Variants in MYBL1 observed in about 807,000 individuals in gnomAD.
The protein encoded by MYBL1 is MYB proto-oncogene like 1.
In MYBL1, 17 loss-of-function variants were observed where a neutral mutation model predicts 96.3. The ratio of observed to expected loss-of-function variants is 0.18; its 90% CI spans 0.12 to 0.26. The LOEUF is 0.26. MYBL1 is among the 10% of genes least tolerant of loss of function. MYBL1 has a pLI of 1.00. For missense variants in MYBL1, 701 were observed against 882.9 expected, an observed-to-expected ratio of 0.79 and a Z score of 2.61; for synonymous variants, 282 against 292.7, an observed-to-expected ratio of 0.96 and a Z score of 0.37.
Position 66,563,544 on chromosome 8 carries a change from TG to T in MYBL1, c.*1152del, listed in dbSNP as rs1297874523. 1 of 152,506 alleles carries T rather than the reference TG, an allele frequency of 6.6e-6. No homozygotes were observed. Among genetic ancestry groups the T allele is most frequent in the African/African-American group, 2.4e-5 (1 of 41,426 alleles). The allele number at this position is 152,506 out of a possible 1,614,324, so 9.4% of individuals were successfully genotyped here. A position where few individuals can be genotyped will look rare whatever the true frequency, so the allele number is the denominator to read the frequency against. ...AAATATTTTTATAAATAAAAGATAA[TG>T]TTCTCCACTTCTGAAACACTGAGTA... On this transcript the variant is annotated 3_prime_UTR_variant, in exon 16 of 16. Transcript: ENST00000522677.
At chr8:66,583,279 T>C (rs1404435412) in intron 8 of MYBL1, among the ~76,000 whole-genome samples, 1 of 151,946 alleles carries the variant, frequency 6.6e-6, no homozygotes, top group Non-Finnish European at 1.5e-5. Context: ...ACCAAAACAT[T>C]TCTGGAAACA....
Position 66,576,055 on chromosome 8 carries a change from C to G in MYBL1, c.1422G>C (p.Met474Ile). 6.2e-7 allele frequency: 1 copy of G among 1,613,900 alleles called. No homozygotes were observed. Among genetic ancestry groups the G allele is most frequent in the Non-Finnish European group, 8.5e-7 (1 of 1,179,856 alleles). ...TTTTCAGTGGTGTATGTTTTAGCGC[C>G]ATATTACCACCATCGTTCAATGAGC... is the stretch of plus-strand genomic sequence containing the variant. ...RDGSLNDGGN[M>I]ALKHTPLKTL... The change falls in exon 10 of 16, where the codon ATG (methionine) becomes ATC (isoleucine). Residue 474 changes from methionine (M) to isoleucine (I), a missense_variant. Around this residue, in one of 5 missense-constraint regions of MYBL1, gnomAD observed 396 missense variants for 407.4 expected, o/e 0.97. Coordinates refer to ENST00000522677, the MANE Select transcript of MYBL1 (RefSeq NM_001080416.4).
intron 14 of MYBL1, 77 bp from the exon 15 acceptor site, chr8:66,566,320 A>G: frequency 1.2e-6 from 1 of 810,492 alleles, no homozygotes; most frequent in Non-Finnish European, 1.8e-6. Context: ...AGTAAGTGGT[A>G]ATGGAAGCCC....
intron 1 of MYBL1, among the ~76,000 whole-genome samples, chr8:66,608,835 A>C (rs1454307125): frequency 6.6e-6 from 1 of 152,160 alleles, no homozygotes; most frequent in African/African-American, 2.4e-5. Context: ...AGACAGCAAA[A>C]TAAAGTGACA....
chr8:66,573,455 A>C lies in MYBL1; in HGVS notation c.1522T>G (p.Phe508Val), dbSNP rs185627205. 6 of 1,612,030 alleles carry C rather than the reference A, an allele frequency of 3.7e-6. No individual in the cohort carries two copies. Among genetic ancestry groups the C allele is most frequent in the Non-Finnish European group, 5.1e-6 (6 of 1,179,064 alleles). The change falls in exon 11 of 16, where the codon TTT becomes GTT. Residue 508 changes from phenylalanine (F) to valine (V), a missense_variant. Phe to Val is a conservative substitution (Grantham distance 50). Transcript: ENST00000522677. ...TGCCCACAAATAGGGGTTGATGTAA[A>C]TGAAGGATTTTCTATATTAAGTTGT... ...NEQLNIENPS[F>V]TSTPICGQKA...
In MYBL1 at chr8:66,580,342, A is replaced by G; in HGVS notation, c.892T>C (p.Ser298Pro). The G allele has an allele frequency of 6.2e-7, 1 of 1,605,818 alleles. No homozygotes were observed. The highest frequency in any genetic ancestry group is 8.5e-7 in the Non-Finnish European group (1 of 1,173,400). ...TTATCATCCATGAGGAAACTACCAG[A>G]CCAGCTAGAAAAACTTCCAGGCTGC... ...PSQPGSFSSWSGSFLMDDNMS... is the reference protein window; with the variant it reads ...PSQPGSFSSWPGSFLMDDNMS... Residue 298 changes from serine (S) to proline (P), a missense_variant, in exon 9 of 16, where the codon TCT (serine) becomes CCT (proline). Around this residue, in one of 5 missense-constraint regions of MYBL1, gnomAD observed 396 missense variants for 407.4 expected, o/e 0.97. Transcript: ENST00000522677.
chr8:66,568,524 T>G (rs1339462025), intron 12 of MYBL1, among the ~76,000 whole-genome samples: 1 of 151,666 alleles, frequency 6.6e-6, no homozygotes, highest in Non-Finnish European at 1.5e-5. Context: ...GGTCTCAAAC[T>G]CCTGACCTCA....
At chr8:66,566,290 G>A in intron 14 of MYBL1, 47 bp from the exon 15 acceptor site, 3 of 1,161,992 alleles carry the variant, frequency 2.6e-6, no homozygotes, top group Non-Finnish European at 1.2e-6. Flanking sequence ...CAAAAATGGA[G>A]ACAAATGGAG....
rs776693888 is a variant in MYBL1 at position 66,564,773 on chromosome 8, A to G, written c.2183T>C (p.Ile728Thr). ...ATATCTTCTTGCTTGTTCAGTCATA[A>G]TAAGTTGGTCTTCTGTCTTCCCATA... ...VVYGKTEDQL[I>T]MTEQARRYLS... The change falls in exon 16 of 16, where the codon ATT becomes ACT. Residue 728 changes from isoleucine to threonine, a missense_variant. Coordinates refer to ENST00000522677, the MANE Select transcript of MYBL1 (RefSeq NM_001080416.4). 4.7e-5 allele frequency: 74 copies of G among 1,584,122 alleles called. No individual in the cohort carries two copies. Among genetic ancestry groups the G allele is most frequent in the Non-Finnish European group, 6.3e-5 (73 of 1,161,760 alleles).
rs545975917 is a variant in MYBL1 at position 66,604,805 on chromosome 8, G to A, written c.21-2282C>T. ...ATAGATGAGGGACATGGAAGAAGGA[G>A]GAATTAAGGATGACTCCAAAGTTTC... is the stretch of plus-strand genomic sequence containing the variant. On this transcript the variant is annotated intron_variant, in intron 1 of 15. Transcript: ENST00000522677. Among the ~76,000 whole-genome samples, 8 of 152,262 alleles carry A rather than the reference G, an allele frequency of 5.3e-5. No individual in the cohort carries two copies. In the South Asian group the frequency reaches 1.7e-3, roughly 32 times the overall value.
chr8:66,604,723 G>T (rs923886901), intron 1 of MYBL1, among the ~76,000 whole-genome samples: 1 of 152,104 alleles, frequency 6.6e-6, no homozygotes, highest in Non-Finnish European at 1.5e-5. Flanking sequence ...GGAATTGAAA[G>T]AAATATATTA....
chr8:66,610,502 C>T (rs1003282834), intron 1 of MYBL1, among the ~76,000 whole-genome samples: 2 of 151,798 alleles, frequency 1.3e-5, no homozygotes, highest in East Asian at 1.9e-4. Context: ...ATAGTTTTCA[C>T]TTGAACGCTT....
intron 4 of MYBL1, 113 bp downstream of exon 4, chr8:66,598,937 G>A (rs770811331): frequency 1.3e-4 from 74 of 567,928 alleles, no homozygotes; most frequent in East Asian, 3.6e-4. Flanking sequence ...AGTAGCCTCC[G>A]GAGAACAAAA....
chr8:66,566,122 G>T lies in MYBL1; in HGVS notation c.2072C>A (p.Thr691Asn). Residue 691 changes from threonine to asparagine, a missense_variant, in exon 15 of 16, where the codon ACT becomes AAT. Around this residue, in one of 5 missense-constraint regions of MYBL1, gnomAD observed 137 missense variants for 137.5 expected, o/e 1.00. Transcript: ENST00000522677. ...INSTNKTYTL[T>N]KKKPNPNTSK... ...AGTGTTAGGGTTTGGTTTCTTTTTA[G>T]TAAGTGTATATGTTTTGTTGGTTGA... is the stretch of plus-strand genomic sequence containing the variant. The T allele has an allele frequency of 1.9e-6, 3 of 1,543,768 alleles. No individual in the cohort carries two copies. The highest frequency in any genetic ancestry group is 2.6e-6 in the Non-Finnish European group (3 of 1,140,886).
In MYBL1 at chr8:66,595,647, T is replaced by A. The variant is rs930757341; in HGVS notation, c.623A>T (p.Gln208Leu). Residue 208 changes from glutamine (Q) to leucine (L), a missense_variant, in exon 6 of 16, where the codon CAA (glutamine) becomes CTA (leucine). By Grantham distance (113) the Gln-to-Leu change is moderately radical (BLOSUM62 -2). This residue lies in a region of MYBL1 where 396 missense variants were observed against 407.4 expected (regional missense o/e 0.97). Transcript: ENST00000522677. ...ATCCATAGCTGCACAAGGTTTGTGTTGAAGTTTAGATGAAGATCGTTCTGA... is the reference window on the plus strand; with the variant it reads ...ATCCATAGCTGCACAAGGTTTGTGTAGAAGTTTAGATGAAGATCGTTCTGA... ...IKSERSSSKL[Q>L]HKPCAAMDHM... 1 of 1,591,912 alleles carries A rather than the reference T, an allele frequency of 6.3e-7. No individual in the cohort carries two copies. Among genetic ancestry groups the A allele is most frequent in the Non-Finnish European group, 8.6e-7 (1 of 1,167,976 alleles).
chr8:66,594,306 ACT>A (rs1043681491), intron 6 of MYBL1, among the ~76,000 whole-genome samples: 67 of 152,278 alleles, frequency 4.4e-4, no homozygotes, highest in African/African-American at 1.4e-3. Flanking sequence ...CAACTTGGTA[ACT>A]CTAATGAATT....
intron 5 of MYBL1, among the ~76,000 whole-genome samples, chr8:66,596,568 T>C (rs1416418013): frequency 6.6e-6 from 1 of 152,144 alleles, no homozygotes; most frequent in East Asian, 1.9e-4. Flanking sequence ...TGCCTTAATA[T>C]CTTATCTATA....
chr8:66,593,386 T>C (rs1185765023), intron 6 of MYBL1, among the ~76,000 whole-genome samples, 192 bp from the exon 7 acceptor site: 1 of 152,192 alleles, frequency 6.6e-6, no homozygotes, highest in African/African-American at 2.4e-5. Flanking sequence ...CTAGAATCTA[T>C]GATTAAAAGT....
intron 8 of MYBL1, among the ~76,000 whole-genome samples, chr8:66,588,051 T>C (rs1809489771): frequency 1.3e-5 from 2 of 152,166 alleles, no homozygotes; most frequent in Non-Finnish European, 2.9e-5. Flanking sequence ...TTATTTCATT[T>C]CATTATTTTC....
Sources: allele counts gnomAD v4.1 joint callset (sites outside exome capture counted in the v4.1 genomes callset), GRCh38; gene constraint gnomAD v4.1.1; regional missense constraint gnomAD v4.1.1; transcripts MANE v1.5; gene names NCBI Gene and HGNC (gene_info 2026-07-23, HGNC 2026-07-21).